The following GTF2F2 variants were observed in gnomAD, a reference collection of about 807,000 sequenced individuals.
GTF2F2 encodes ATP-dependent helicase GTF2F2.
GTF2F2 carries 23 observed loss-of-function variants against 42.2 expected under a neutral mutation model. That is an observed-to-expected ratio of 0.55 (90% CI 0.39 to 0.77). GTF2F2 has a LOEUF of 0.77. Among genes scored for constraint, GTF2F2 ranks in the 30% least tolerant of loss-of-function variants. GTF2F2 has a pLI of 0.00. For synonymous variants in GTF2F2, 105 were observed against 100.8 expected (o/e 1.04, Z -0.25); for missense variants, 261 against 287.2 (o/e 0.91, Z 0.66).
At chr13:45,189,993 C>A (rs1872561437) in intron 4 of GTF2F2, among the ~76,000 whole-genome samples, 1 of 152,092 alleles carries the variant, frequency 6.6e-6, no homozygotes, top group African/African-American at 2.4e-5. Context: ...CAACAAAAGC[C>A]AAAATAGACA....
At chr13:45,198,514 G>A (rs1197911103) in intron 4 of GTF2F2, among the ~76,000 whole-genome samples, 2 of 152,160 alleles carry the variant, frequency 1.3e-5, no homozygotes, top group East Asian at 3.8e-4. Context: ...TAAGAACAGG[G>A]AGCTTCTGTC....
chr13:45,217,066 C>T lies in GTF2F2; in HGVS notation c.386+9561C>T, dbSNP rs998278887. 1.6e-4 allele frequency among the ~76,000 whole-genome samples: 25 copies of T among 151,742 alleles called. No homozygotes were observed. In the South Asian group the frequency reaches 2.5e-3, roughly 15 times the overall value. On this transcript the variant is annotated intron_variant, in intron 5 of 7. Coordinates refer to ENST00000340473, the MANE Select transcript of GTF2F2 (RefSeq NM_004128.3). Reference sequence around the variant, plus strand: ...CTGTAATCCCAGCACTTTGGGAGGCCGAGGCAGGTGAATCATGAGGTCAGG... The same window carrying T: ...CTGTAATCCCAGCACTTTGGGAGGCTGAGGCAGGTGAATCATGAGGTCAGG...
intron 1 of GTF2F2, among the ~76,000 whole-genome samples, chr13:45,131,920 A>AAAAAG (rs1555263585): frequency 2.1e-5 from 3 of 146,290 alleles, no homozygotes; most frequent in East Asian, 2.0e-4. Context: ...AAAAAAAAAA[A>AAAAAG]AGAGAGAGAG....
chr13:45,151,310 AT>A (rs1210194645), intron 3 of GTF2F2, among the ~76,000 whole-genome samples: 1 of 152,066 alleles, frequency 6.6e-6, no homozygotes, highest in Non-Finnish European at 1.5e-5. Flanking sequence ...TGATTCTGTT[AT>A]TTTTTTATTA....
rs1593485742 is a variant in GTF2F2 at position 45,197,495 on chromosome 13, T to G, written c.305-9929T>G. ...CTGCACTCCAGTCTGGGCAACACAG[T>G]AAGACCCTGTCTCCAAAAAAAAAAA... On this transcript the variant is annotated intron_variant, in intron 4 of 7. Coordinates refer to ENST00000340473, the MANE Select transcript of GTF2F2 (RefSeq NM_004128.3). Among the ~76,000 whole-genome samples the G allele has an allele frequency of 2.3e-5, 3 of 131,978 alleles. No homozygotes were observed. In the East Asian group the frequency reaches 6.4e-4, roughly 28 times the overall value. 86.6% of individuals were successfully genotyped at this position (131,978 alleles called of 152,430 possible). A position where few individuals can be genotyped will look rare whatever the true frequency, so the allele number is the denominator to read the frequency against.
rs1285266667 is a variant in GTF2F2 at position 45,237,265 on chromosome 13, A to AATGC, written c.387-15605_387-15604insTGCA. 2.0e-5 allele frequency among the ~76,000 whole-genome samples: 3 copies of AATGC among 152,286 alleles called. No homozygotes were observed. The East Asian group carries it at 5.8e-4, about 29-fold the overall frequency. Reference sequence around the variant, plus strand: ...TACCTGCAGCTGAATGACATTTAGGAAGAAATTTTTTTAATCTTTGAAAAC... The same window carrying AATGC: ...TACCTGCAGCTGAATGACATTTAGGAATGCAGAAATTTTTTTAATCTTTGAAAAC... On this transcript the variant is annotated intron_variant, in intron 5 of 7. Coordinates refer to ENST00000340473, the MANE Select transcript of GTF2F2 (RefSeq NM_004128.3).
intron 4 of GTF2F2, among the ~76,000 whole-genome samples, chr13:45,191,506 A>G (rs570608518): frequency 1.6e-4 from 25 of 151,958 alleles, no homozygotes; most frequent in African/African-American, 6.0e-4. Flanking sequence ...CTTATAAGTG[A>G]CATTTTGTGT....
chr13:45,164,376 C>T (rs184089053), intron 4 of GTF2F2, among the ~76,000 whole-genome samples: 75 of 152,122 alleles, frequency 4.9e-4, no homozygotes, highest in Non-Finnish European at 1.0e-3. Context: ...GACTTTAAAA[C>T]TGACCTATTT....
intron 4 of GTF2F2, among the ~76,000 whole-genome samples, chr13:45,153,049 C>T (rs1291964174): frequency 5.4e-5 from 8 of 148,350 alleles, no homozygotes; most frequent in Non-Finnish European, 1.0e-4. Context: ...CTTGCTCTGT[C>T]GCCCAGCTGG....
intron 4 of GTF2F2, chr13:45,193,448 A>G (rs1253646748): frequency 5.1e-6 from 1 of 196,174 alleles, no homozygotes; most frequent in Non-Finnish European, 1.0e-5. Context: ...TGAACGATAG[A>G]TAATGTACAT....
intron 4 of GTF2F2, among the ~76,000 whole-genome samples, chr13:45,162,956 A>C (rs1330443939): frequency 1.6e-5 from 2 of 126,556 alleles, no homozygotes; most frequent in East Asian, 5.5e-4. Flanking sequence ...CACTTGCTAG[A>C]GGTAACTGTT....
At chr13:45,164,526 A>G (rs1871175876) in intron 4 of GTF2F2, among the ~76,000 whole-genome samples, 1 of 152,180 alleles carries the variant, frequency 6.6e-6, no homozygotes, top group African/African-American at 2.4e-5. Context: ...TGAGCCCAGA[A>G]GTTAGAGACC....
At chr13:45,277,772 C>T (rs752132494) in intron 7 of GTF2F2, among the ~76,000 whole-genome samples, 20 of 152,170 alleles carry the variant, frequency 1.3e-4, no homozygotes, top group Non-Finnish European at 2.6e-4. Flanking sequence ...ATCACAGAAT[C>T]GATAATGCCC....
At chr13:45,202,237 A>C (rs1333511957) in intron 4 of GTF2F2, among the ~76,000 whole-genome samples, 1 of 152,038 alleles carries the variant, frequency 6.6e-6, no homozygotes, top group Admixed American at 6.5e-5. Context: ...AAATACAAAA[A>C]TTAGCCTGGC....
intron 5 of GTF2F2, among the ~76,000 whole-genome samples, chr13:45,215,585 C>T (rs1873853345): frequency 6.6e-6 from 1 of 151,802 alleles, no homozygotes; most frequent in Non-Finnish European, 1.5e-5. Context: ...CATGGTGAAA[C>T]CCGTCCCTAC....
intron 5 of GTF2F2, among the ~76,000 whole-genome samples, chr13:45,231,357 C>T (rs1286525201): frequency 6.6e-5 from 10 of 152,180 alleles, no homozygotes; most frequent in African/African-American, 1.4e-4. Context: ...CTGCCCACCT[C>T]GGCCTCCCAG....
At chr13:45,145,726 TCTTA>T (rs1353681552) in intron 2 of GTF2F2, among the ~76,000 whole-genome samples, 2 of 152,190 alleles carry the variant, frequency 1.3e-5, no homozygotes, top group Admixed American at 6.5e-5. Flanking sequence ...GGGCCTCTGT[TCTTA>T]CTTGTTCAGT....
chr13:45,211,082 C>G (rs1010092481), intron 5 of GTF2F2, among the ~76,000 whole-genome samples: 20 of 152,136 alleles, frequency 1.3e-4, no homozygotes, highest in Non-Finnish European at 2.8e-4. Context: ...GGTGGTGGCT[C>G]TTGTGGCCCA....
At chr13:45,167,320 C>T (rs933735451) in intron 4 of GTF2F2, among the ~76,000 whole-genome samples, 7 of 151,034 alleles carry the variant, frequency 4.6e-5, no homozygotes, top group East Asian at 1.9e-4. Flanking sequence ...CTGCAACCCC[C>T]GCCTCCCTGC....
Sources: gnomAD v4.1 joint callset for allele counts (sites outside exome capture counted in the v4.1 genomes callset) on GRCh38, gnomAD v4.1.1 for gene constraint, MANE v1.5 for transcripts, NCBI Gene and HGNC (gene_info 2026-07-23, HGNC 2026-07-21) for gene names.